GRID2: variants seen among roughly 807,000 people sequenced by gnomAD.
The protein encoded by GRID2 is glutamate ionotropic receptor delta type subunit 2.
GRID2 carries 33 observed loss-of-function variants against 114.8 expected under a neutral mutation model. The ratio of observed to expected loss-of-function variants is 0.29; its 90% CI spans 0.22 to 0.38. The LOEUF is 0.38. Among genes scored for constraint, GRID2 ranks in the 10% least tolerant of loss-of-function variants. The pLI is 1.00. For missense variants in GRID2, 1,184 were observed against 1,257.7 expected, an observed-to-expected ratio of 0.94 and a Z score of 0.89; for synonymous variants, 505 against 449.9, an observed-to-expected ratio of 1.12 and a Z score of -1.55.
chr4:93,212,619 C>G (rs1743671194), intron 5 of GRID2, among the ~76,000 whole-genome samples: 1 of 152,042 alleles, frequency 6.6e-6, no homozygotes, highest in Non-Finnish European at 1.5e-5. Flanking sequence ...GCTTCATATA[C>G]CCTTCTATTG....
chr4:92,404,142 T>C (rs1281890851), intron 1 of GRID2, among the ~76,000 whole-genome samples: 2 of 152,180 alleles, frequency 1.3e-5, no homozygotes, highest in Non-Finnish European at 2.9e-5. Context: ...AACCTTCAAT[T>C]TGTAGAAAAT....
chr4:93,218,882 C>T (rs534539933), intron 6 of GRID2, among the ~76,000 whole-genome samples: 2 of 152,174 alleles, frequency 1.3e-5, no homozygotes, highest in South Asian at 4.2e-4. Context: ...AAGTGCTGAG[C>T]AAAAGGTGGA....
At chr4:93,215,727 T>G (rs1320105297) in intron 5 of GRID2, among the ~76,000 whole-genome samples, 1 of 152,058 alleles carries the variant, frequency 6.6e-6, no homozygotes, top group East Asian at 1.9e-4. Context: ...AAGAATAATA[T>G]GTAATTAATC....
chr4:92,668,103 G>A (rs1173994930), intron 2 of GRID2, among the ~76,000 whole-genome samples: 2 of 151,722 alleles, frequency 1.3e-5, no homozygotes, highest in African/African-American at 4.8e-5. Context: ...GATGGAGGCT[G>A]TTGGTACTGC....
chr4:93,162,787 TGAG>T (rs926662590), intron 4 of GRID2, among the ~76,000 whole-genome samples: 1 of 151,918 alleles, frequency 6.6e-6, no homozygotes, highest in African/African-American at 2.4e-5. Context: ...GAAGGAAATA[TGAG>T]GAGTTCCATC....
At chr4:93,612,403 G>T (rs1741043044) in intron 13 of GRID2, among the ~76,000 whole-genome samples, 1 of 146,936 alleles carries the variant, frequency 6.8e-6, no homozygotes, top group Admixed American at 6.8e-5. Flanking sequence ...TTTCTTCCTA[G>T]TCTCGATGGG....
chr4:93,557,724 T>C (rs1213947058), intron 13 of GRID2, among the ~76,000 whole-genome samples: 1 of 152,226 alleles, frequency 6.6e-6, no homozygotes, highest in Non-Finnish European at 1.5e-5. Context: ...AAGTCAGTTC[T>C]GGACCAAGCA....
chr4:92,318,212 A>G (rs1263554139), intron 1 of GRID2, among the ~76,000 whole-genome samples: 5 of 151,400 alleles, frequency 3.3e-5, no homozygotes, highest in Non-Finnish European at 7.4e-5. Context: ...ATGGAGAGGT[A>G]CATAGTTTCA....
intron 2 of GRID2, among the ~76,000 whole-genome samples, chr4:92,688,946 G>C (rs1396933185): frequency 1.3e-5 from 2 of 152,126 alleles, no homozygotes; most frequent in African/African-American, 2.4e-5. Context: ...TTACTCTTTT[G>C]ATTCATGGGC....
At chr4:93,253,611 T>C (rs1018335532) in intron 8 of GRID2, among the ~76,000 whole-genome samples, 3 of 152,116 alleles carry the variant, frequency 2.0e-5, no homozygotes, top group Non-Finnish European at 4.4e-5. Flanking sequence ...TAAATAAGTA[T>C]ATAAATAACT....
At chr4:93,010,004 A>G (rs1721961967) in intron 2 of GRID2, among the ~76,000 whole-genome samples, 1 of 152,016 alleles carries the variant, frequency 6.6e-6, no homozygotes, top group Non-Finnish European at 1.5e-5. Context: ...CTGCTAAGAT[A>G]TTAGTAGGAA....
At chr4:92,891,151 G>A (rs1248427699) in intron 2 of GRID2, among the ~76,000 whole-genome samples, 1 of 152,034 alleles carries the variant, frequency 6.6e-6, no homozygotes, top group Non-Finnish European at 1.5e-5. Context: ...AGCATTAGGA[G>A]AAATACCTAA....
At chr4:92,324,644 G>T (rs1215856944) in intron 1 of GRID2, among the ~76,000 whole-genome samples, 2 of 151,214 alleles carry the variant, frequency 1.3e-5, no homozygotes, top group African/African-American at 4.9e-5. Context: ...AGCATCTTCT[G>T]TATCACTGTA....
chr4:92,662,241 G>T (rs1732556219), intron 2 of GRID2, among the ~76,000 whole-genome samples: 1 of 150,754 alleles, frequency 6.6e-6, no homozygotes, highest in African/African-American at 2.4e-5. Flanking sequence ...TTCTACAAGG[G>T]GTAAAAATTG....
chr4:93,522,154 G>A (rs1730399449), intron 13 of GRID2, among the ~76,000 whole-genome samples: 2 of 152,146 alleles, frequency 1.3e-5, no homozygotes, highest in Admixed American at 6.6e-5. Flanking sequence ...TCCATAGTAA[G>A]AGGAGAGAAG....
intron 2 of GRID2, among the ~76,000 whole-genome samples, chr4:92,918,886 C>G (rs921645336): frequency 6.6e-6 from 1 of 152,124 alleles, no homozygotes; most frequent in Admixed American, 6.5e-5. Flanking sequence ...AGGGAAGATT[C>G]CCTCTTTTTC....
intron 2 of GRID2, among the ~76,000 whole-genome samples, chr4:93,018,508 C>G (rs973187330): frequency 4.6e-5 from 7 of 151,984 alleles, no homozygotes; most frequent in Admixed American, 3.3e-4. Context: ...TTTTCACTAA[C>G]GAAAAGTTAG....
chr4:93,467,384 A>G (rs991982793), intron 11 of GRID2, among the ~76,000 whole-genome samples: 3 of 152,340 alleles, frequency 2.0e-5, no homozygotes, highest in Admixed American at 2.0e-4. Context: ...TTTTGCCTAA[A>G]GTAATTTTTA....
chr4:92,659,967 C>T (rs533196385), intron 2 of GRID2, among the ~76,000 whole-genome samples: 24 of 151,384 alleles, frequency 1.6e-4, no homozygotes, highest in South Asian at 8.3e-4. Context: ...TAACACTGAA[C>T]GTTAACGTTC....
Sources: gnomAD v4.1 joint callset for allele counts (sites outside exome capture counted in the v4.1 genomes callset) on GRCh38, gnomAD v4.1.1 for gene constraint, MANE v1.5 for transcripts, NCBI Gene and HGNC (gene_info 2026-07-23, HGNC 2026-07-21) for gene names.